The following CNOT2 variants were observed in gnomAD, a reference collection of about 807,000 sequenced individuals.
The protein encoded by CNOT2 is CCR4-NOT transcription complex subunit 2.
A neutral mutation model predicts 72.1 loss-of-function variants in CNOT2; 7 were observed. That is an observed-to-expected ratio of 0.10 (90% CI 0.06 to 0.18). The LOEUF is 0.18. CNOT2 is among the 10% of genes least tolerant of loss of function. The pLI, the probability that CNOT2 is intolerant of heterozygous loss-of-function variation, is 1.00. For synonymous variants in CNOT2, 196 were observed against 225.6 expected, an observed-to-expected ratio of 0.87 and a Z score of 1.17; for missense variants, 345 against 660.3, an observed-to-expected ratio of 0.52 and a Z score of 5.23.
chr12:70,309,243 G>T (rs959752053), intron 2 of CNOT2, among the ~76,000 whole-genome samples: 1 of 152,050 alleles, frequency 6.6e-6, no homozygotes, highest in South Asian at 2.1e-4. Context: ...AAGTACCTGT[G>T]TTCTAATAAA....
At chr12:70,287,042 T>C (rs1345362274) in intron 2 of CNOT2, among the ~76,000 whole-genome samples, 1 of 152,044 alleles carries the variant, frequency 6.6e-6, no homozygotes, top group Non-Finnish European at 1.5e-5. Flanking sequence ...TTATAATTTA[T>C]CTGTAGGCTT....
At chr12:70,263,760 T>G (rs1958890076) in intron 1 of CNOT2, among the ~76,000 whole-genome samples, 2 of 152,192 alleles carry the variant, frequency 1.3e-5, no homozygotes, top group Non-Finnish European at 2.9e-5. Context: ...ATGTCATAAT[T>G]TGTGGGCGAG....
intron 2 of CNOT2, chr12:70,285,698 G>A (rs1870770701): frequency 6.6e-6 from 1 of 151,826 alleles, no homozygotes; most frequent in Admixed American, 6.6e-5. Flanking sequence ...TTGACAAAGT[G>A]TCCCCATGAA....
At chr12:70,283,503 A>AGATAGATG (rs1453856595) in intron 2 of CNOT2, among the ~76,000 whole-genome samples, 5 of 151,296 alleles carry the variant, frequency 3.3e-5, no homozygotes, top group East Asian at 1.9e-4. Context: ...ATAGATAGAT[A>AGATAGATG]GATAGAATTT....
At chr12:70,279,422 T>C (rs1450402089) in intron 2 of CNOT2, among the ~76,000 whole-genome samples, 3 of 152,188 alleles carry the variant, frequency 2.0e-5, no homozygotes, top group Non-Finnish European at 2.9e-5. Context: ...TCTTGCCAGA[T>C]CTTTATGATT....
rs527598670 is a variant in CNOT2 at position 70,256,759 on chromosome 12, T to C, written c.-96+13279T>C. 3.9e-5 allele frequency among the ~76,000 whole-genome samples: 6 copies of C among 152,270 alleles called. No homozygotes were observed. In the South Asian group the frequency reaches 1.0e-3, roughly 26 times the overall value. ...GCATGTGTTTGTAAGCTCTACAGTCTCTCGTTTTTCTCTCTGATTATTAAG... is the reference window on the plus strand; with the variant it reads ...GCATGTGTTTGTAAGCTCTACAGTCCCTCGTTTTTCTCTCTGATTATTAAG... On this transcript the variant is annotated intron_variant, in intron 1 of 15. Coordinates refer to ENST00000229195, the MANE Select transcript of CNOT2 (RefSeq NM_014515.7).
chr12:70,352,232 T>G (rs1882959907), intron 15 of CNOT2, among the ~76,000 whole-genome samples: 1 of 97,962 alleles, frequency 1.0e-5, no homozygotes, highest in South Asian at 4.5e-4. Context: ...GTCTGGATCC[T>G]AATGCTAGGT....
At chr12:70,291,811 C>CCT (rs1349549026) in intron 2 of CNOT2, among the ~76,000 whole-genome samples, 1 of 152,136 alleles carries the variant, frequency 6.6e-6, no homozygotes, top group Non-Finnish European at 1.5e-5. Flanking sequence ...GTGGCGGGCA[C>CCT]CTGTAGTCCC....
In CNOT2 at chr12:70,329,511, C is replaced by T. The variant is rs1440779299; in HGVS notation, c.327C>T (p.His109=). The T allele has an allele frequency of 2.7e-5, 43 of 1,610,898 alleles. No homozygotes were observed. Among genetic ancestry groups the T allele is most frequent in the Non-Finnish European group, 3.5e-5 (41 of 1,177,614 alleles). The change falls in exon 5 of 16, where the codon CAC becomes CAT. Residue 109 remains histidine, a synonymous_variant. Coordinates refer to ENST00000229195, the MANE Select transcript of CNOT2 (RefSeq NM_014515.7). ...SLSQGTQLPS[H]VTPTTGVPTM... The stretch of plus-strand genomic sequence containing the variant: ...CACAAGGCACTCAGTTACCGAGCCA[C>T]GTCACGCCAACAACAGGGGTACCAA...
At chr12:70,278,845 G>A (rs563102371) in intron 2 of CNOT2, among the ~76,000 whole-genome samples, 93 of 152,204 alleles carry the variant, frequency 6.1e-4, no homozygotes, top group African/African-American at 2.1e-3. Context: ...TGTGTAGGAA[G>A]GCTGGAAGAA....
chr12:70,306,720 A>C (rs918765568), intron 2 of CNOT2, among the ~76,000 whole-genome samples: 7 of 152,202 alleles, frequency 4.6e-5, no homozygotes, highest in African/African-American at 1.4e-4. Context: ...CAAATTGTAC[A>C]CACCAAAGAT....
chr12:70,344,744 T>C (rs1881946900), intron 14 of CNOT2: 1 of 152,132 alleles, frequency 6.6e-6, no homozygotes, highest in Non-Finnish European at 1.5e-5. Flanking sequence ...AACTAATAAG[T>C]GCCAAATTTG....
intron 2 of CNOT2, among the ~76,000 whole-genome samples, chr12:70,298,164 A>G (rs991167401): frequency 2.6e-5 from 4 of 152,238 alleles, no homozygotes; most frequent in African/African-American, 7.2e-5. Flanking sequence ...TCACATGTCT[A>G]TAATCAGTCA....
intron 1 of CNOT2, among the ~76,000 whole-genome samples, chr12:70,253,469 T>G (rs749266156): frequency 2.0e-5 from 3 of 152,172 alleles, no homozygotes. Context: ...CTTTTATTTA[T>G]TTTTTTGAAA....
chr12:70,328,286 A>G (rs1879394552), intron 4 of CNOT2, among the ~76,000 whole-genome samples: 1 of 151,938 alleles, frequency 6.6e-6, no homozygotes, highest in African/African-American at 2.4e-5. Context: ...CCTAGGTTAG[A>G]AGGTGAAACA....
chr12:70,282,851 T>C (rs1870108081), intron 2 of CNOT2, among the ~76,000 whole-genome samples: 1 of 152,070 alleles, frequency 6.6e-6, no homozygotes, highest in African/African-American at 2.4e-5. Context: ...TATTTTATTA[T>C]TTTGAGTAGG....
At chr12:70,266,750 G>T (rs1179860516) in intron 1 of CNOT2, among the ~76,000 whole-genome samples, 1 of 152,000 alleles carries the variant, frequency 6.6e-6, no homozygotes, top group Non-Finnish European at 1.5e-5. Flanking sequence ...TTATTCTGAT[G>T]GTAAGGTAGC....
intron 2 of CNOT2, among the ~76,000 whole-genome samples, chr12:70,283,255 A>G (rs943241401): frequency 1.3e-5 from 2 of 152,194 alleles, no homozygotes; most frequent in African/African-American, 4.8e-5. Context: ...AATCTATGAT[A>G]TATAGTATGT....
chr12:70,261,305 CTTTTTTTT>C (rs71437141), intron 1 of CNOT2, among the ~76,000 whole-genome samples: 14 of 43,354 alleles, frequency 3.2e-4, no homozygotes, highest in African/African-American at 8.7e-4. Flanking sequence ...TTCTTTCTTT[CTTTTTTTT>C]TTTTTTTTTT....
Sources: allele counts gnomAD v4.1 joint callset (sites outside exome capture counted in the v4.1 genomes callset), GRCh38; gene constraint gnomAD v4.1.1; transcripts MANE v1.5; gene names NCBI Gene and HGNC (gene_info 2026-07-23, HGNC 2026-07-21).